Variants in ZNF562 observed in about 807,000 individuals in gnomAD.
ZNF562 encodes zinc finger protein 562.
In ZNF562, 13 loss-of-function variants were observed where a neutral mutation model predicts 17.5. That is an observed-to-expected ratio of 0.74 (90% CI 0.48 to 1.18). ZNF562 has a LOEUF of 1.18. ZNF562 is among the 50% of genes most tolerant of loss of function. ZNF562 has a pLI of 0.00. For synonymous variants in ZNF562, 163 were observed against 165.4 expected (o/e 0.99, Z 0.11); for missense variants, 481 against 498.5 (o/e 0.96, Z 0.33).
At chr19:9,658,725 A>T (rs1294380985) in intron 3 of ZNF562, among the ~76,000 whole-genome samples, 3 of 151,766 alleles carry the variant, frequency 2.0e-5, no homozygotes, top group Non-Finnish European at 4.4e-5. Context: ...ATTTTTTTTA[A>T]TTTTAATTTT....
At chr19:9,658,363 T>C (rs1005064311) in intron 3 of ZNF562, 32 of 981,982 alleles carry the variant, frequency 3.3e-5, no homozygotes, top group Admixed American at 6.2e-5. Context: ...CTTTCTTTTT[T>C]TTTGTGACAG....
intron 1 of ZNF562, among the ~76,000 whole-genome samples, chr19:9,672,421 G>A (rs1325785372): frequency 6.6e-6 from 1 of 152,060 alleles, no homozygotes; most frequent in African/African-American, 2.4e-5. Flanking sequence ...CACTCAAATT[G>A]TTCACTGTAA....
chr19:9,661,453 G>C (rs139153208), intron 1 of ZNF562, among the ~76,000 whole-genome samples: 160 of 152,194 alleles, frequency 1.1e-3, no homozygotes, highest in African/African-American at 3.6e-3. Flanking sequence ...CGAGTAGCTG[G>C]GATTACAGGT....
chr19:9,657,885 T>A lies in ZNF562; in HGVS notation c.241+124A>T, dbSNP rs1445905939. ...TAGGATTTTTTTTTAGAGATGAGGT[T>A]TCACAATGTTGCCCATGCTAGTATC... On this transcript the variant is annotated intron_variant, in intron 4 of 5. Coordinates refer to ENST00000453372, the MANE Select transcript of ZNF562 (RefSeq NM_001130031.2). 3.1e-6 allele frequency: 4 copies of A among 1,295,750 alleles called. No individual in the cohort carries two copies. The African/African-American group carries it at 6.0e-5, about 19-fold the overall frequency. The allele number at this position is 1,295,750 out of a possible 1,614,324, so 80.3% of individuals were successfully genotyped here.
chr19:9,654,690 G>A (rs10405845), intron 5 of ZNF562, among the ~76,000 whole-genome samples: 19,415 of 151,858 alleles, frequency 0.13, 1,459 homozygotes, highest in Admixed American at 0.23. Flanking sequence ...CTTCTCATCC[G>A]CCTGCCTAGG....
At chr19:9,673,967 A>G (rs2145063398) in intron 1 of ZNF562, among the ~76,000 whole-genome samples, 1 of 152,256 alleles carries the variant, frequency 6.6e-6, no homozygotes, top group South Asian at 2.1e-4. Flanking sequence ...CTCAAATATA[A>G]CATTTTCTTT....
chr19:9,653,307 T>C lies in ZNF562; in HGVS notation c.923A>G (p.Gln308Arg), dbSNP rs144943962. The C allele has an allele frequency of 6.4e-5, 103 of 1,614,118 alleles. No individual in the cohort carries two copies. The highest frequency in any genetic ancestry group is 8.5e-5 in the Non-Finnish European group (100 of 1,180,040). Residue 308 changes from glutamine (Q) to arginine (R), a missense_variant, in exon 6 of 6, where the codon CAA becomes CGA. Gln to Arg is a conservative substitution (Grantham distance 43). Around this residue, in one of 2 missense-constraint regions of ZNF562, gnomAD observed 403 missense variants for 386.4 expected, o/e 1.04. Transcript: ENST00000453372. Reference protein sequence around the residue: ...RNSSSFNVHIQIHTGIKPHKC... With the variant: ...RNSSSFNVHIRIHTGIKPHKC... ...GTGTGGTTTTATTCCAGTGTGAATT[T>C]GAATGTGAACATTAAAGGATGAGGA...
intron 1 of ZNF562, among the ~76,000 whole-genome samples, chr19:9,667,979 C>A (rs1184015069): frequency 2.0e-5 from 3 of 152,128 alleles, no homozygotes; most frequent in Non-Finnish European, 4.4e-5. Flanking sequence ...GTTCAGGACA[C>A]AAAATCAACA....
intron 1 of ZNF562, among the ~76,000 whole-genome samples, chr19:9,672,825 G>A (rs1037666229): frequency 2.1e-5 from 3 of 145,728 alleles, no homozygotes; most frequent in East Asian, 3.9e-4. Flanking sequence ...TGTCACCCAG[G>A]CTGGAGGGCA....
rs1490870551 is a variant in ZNF562 at position 9,659,421 on chromosome 19, CTT to C, written c.70_71del (p.Lys24AspfsTer20). The stretch of plus-strand genomic sequence containing the variant: ...GGTGGTCCTCTACCATCGTTCCTAT[CTT>C]TGTCTTTTCTTCAAAAGGACAGATT... ...EPICPFEEKT[K>X]IGTMVEDHRS... On this transcript the variant is annotated frameshift_variant, in exon 3 of 6. Transcript: ENST00000453372. LOFTEE classifies it high-confidence loss of function. The C allele has an allele frequency of 3.9e-5, 60 of 1,551,412 alleles. No individual in the cohort carries two copies. The highest frequency in any genetic ancestry group is 4.8e-5 in the Non-Finnish European group (55 of 1,146,936).
chr19:9,670,721 G>T (rs964601746), intron 1 of ZNF562, among the ~76,000 whole-genome samples: 2 of 152,188 alleles, frequency 1.3e-5, no homozygotes, highest in Non-Finnish European at 2.9e-5. Context: ...GAGTGAGGTG[G>T]CTCATGCCTG....
chr19:9,663,377 T>G (rs1004534680), intron 1 of ZNF562, among the ~76,000 whole-genome samples: 36 of 143,244 alleles, frequency 2.5e-4, no homozygotes, highest in African/African-American at 9.2e-4. Flanking sequence ...GCCACTGCAC[T>G]CCAGCCTGGG....
At position 9,645,137 on chromosome 19, in the gene ZNF562, T is replaced by A. The variant is rs1374939019; in HGVS notation, c.*7812A>T. The A allele has an allele frequency of 1.3e-5, 2 of 151,534 alleles. No individual in the cohort carries two copies. The allele number at this position is 151,534 out of a possible 1,614,324, so 9.4% of individuals were successfully genotyped here. ...ATATCAGCTCACTGTAACCTCCACC[T>A]CCCAGGTTGAAGTGATTCTCCCATC... On this transcript the variant is annotated 3_prime_UTR_variant, in exon 6 of 6. Coordinates refer to ENST00000453372, the MANE Select transcript of ZNF562 (RefSeq NM_001130031.2).
At chr19:9,667,121 C>T (rs1398335533) in intron 1 of ZNF562, among the ~76,000 whole-genome samples, 3 of 152,114 alleles carry the variant, frequency 2.0e-5, no homozygotes, top group African/African-American at 4.8e-5. Context: ...AAAATTCTCA[C>T]CAAAATATTA....
In ZNF562 at chr19:9,662,486, C is replaced by T. The variant is rs573474285; in HGVS notation, c.-130-1612G>A. Among the ~76,000 whole-genome samples, 551 of 150,946 alleles carry T rather than the reference C, an allele frequency of 3.7e-3. 3 individuals are homozygous for T. Among genetic ancestry groups the T allele is most frequent in the African/African-American group, 0.013 (523 of 41,058 alleles). On this transcript the variant is annotated intron_variant, in intron 1 of 5. Transcript: ENST00000453372. ...CTGAGGCAGGAGAATTGCTTGATCC[C>T]GGGAGGCAGAGGTTGCAGTGAGCCG...
chr19:9,671,564 A>G (rs1385479075), intron 1 of ZNF562, among the ~76,000 whole-genome samples: 1 of 152,218 alleles, frequency 6.6e-6, no homozygotes, highest in Non-Finnish European at 1.5e-5. Context: ...ATACATTTGC[A>G]TGTACTTTAA....
At chr19:9,655,485 T>C (rs1450151126) in intron 5 of ZNF562, among the ~76,000 whole-genome samples, 2 of 152,082 alleles carry the variant, frequency 1.3e-5, no homozygotes, top group Non-Finnish European at 2.9e-5. Context: ...ATCTCTCATT[T>C]GTGCTGTTTC....
At position 9,658,771 on chromosome 19, in the gene ZNF562, T is replaced by G. The variant is rs183325644; in HGVS notation, c.114+608A>C. ...AGTACTTCCTAAACATTAATTTTTATCTATCTAGCATCTATCTATCTATCT... is the reference window on the plus strand; with the variant it reads ...AGTACTTCCTAAACATTAATTTTTAGCTATCTAGCATCTATCTATCTATCT... On this transcript the variant is annotated intron_variant, in intron 3 of 5. Coordinates refer to ENST00000453372, the MANE Select transcript of ZNF562 (RefSeq NM_001130031.2). Among the ~76,000 whole-genome samples, 625 of 152,280 alleles carry G rather than the reference T, an allele frequency of 4.1e-3. 4 individuals carry two copies. The highest frequency in any genetic ancestry group is 7.8e-3 in the Non-Finnish European group (533 of 67,996).
chr19:9,666,802 A>G (rs894394071), intron 1 of ZNF562, among the ~76,000 whole-genome samples: 32 of 152,194 alleles, frequency 2.1e-4, no homozygotes, highest in African/African-American at 6.3e-4. Flanking sequence ...TCTTGGGTGC[A>G]TACAACCTAC....
Sources: allele counts gnomAD v4.1 joint callset (sites outside exome capture counted in the v4.1 genomes callset), GRCh38; gene constraint gnomAD v4.1.1; regional missense constraint gnomAD v4.1.1; transcripts MANE v1.5; gene names NCBI Gene and HGNC (gene_info 2026-07-23, HGNC 2026-07-21).